Variants in UNC13A observed in about 807,000 individuals in gnomAD.
UNC13A encodes protein unc-13 homolog A.
UNC13A carries 61 observed loss-of-function variants against 219.7 expected under a neutral mutation model. That is an observed-to-expected ratio of 0.28 (90% CI 0.23 to 0.34). The LOEUF (loss-of-function observed/expected upper bound fraction) is 0.34, where lower values mean the gene tolerates loss of function less well. UNC13A is among the 10% of genes least tolerant of loss of function. The pLI is 1.00. For missense variants in UNC13A, 1,476 were observed against 2,270.3 expected (o/e 0.65, Z 7.11); for synonymous variants, 920 against 884.6 (o/e 1.04, Z -0.71).
chr19:17,658,284 C>A lies in UNC13A; in HGVS notation c.560-15G>T, dbSNP rs767557834. On this transcript the variant is annotated splice_polypyrimidine_tract_variant and intron_variant, in intron 8 of 43. Coordinates refer to ENST00000519716, the MANE Select transcript of UNC13A (RefSeq NM_001080421.3). Reference sequence around the variant, plus strand: ...GGGGTCATCGTCTGGAAGAGAGAGGCGGTATGGGAAGAGGGTGAGGAAGAG... The same window carrying A: ...GGGGTCATCGTCTGGAAGAGAGAGGAGGTATGGGAAGAGGGTGAGGAAGAG... 8 of 1,604,230 alleles carry A rather than the reference C, an allele frequency of 5.0e-6. No homozygotes were observed. The African/African-American group carries it at 9.4e-5, about 19-fold the overall frequency.
intron 38 of UNC13A, among the ~76,000 whole-genome samples, chr19:17,619,945 A>T (rs569966121): frequency 6.6e-6 from 1 of 152,226 alleles, no homozygotes; most frequent in East Asian, 1.9e-4. Flanking sequence ...GATGAGGAAA[A>T]TTATATCCAC....
Position 17,627,397 on chromosome 19 carries a change from C to T in UNC13A, c.3920+112G>A, listed in dbSNP as rs2076794509. On this transcript the variant is annotated intron_variant, in intron 33 of 43. Coordinates refer to ENST00000519716, the MANE Select transcript of UNC13A (RefSeq NM_001080421.3). The surrounding 1 kb of genome is among the most constrained non-coding windows in gnomAD (Gnocchi z 4.7). ...AAGATTTGAACTCAGCCTTGTCTAA[C>T]TCTGAGCCTGCAATCTTCACCTCTA... is the stretch of plus-strand genomic sequence containing the variant. 2 of 833,740 alleles carry T rather than the reference C, an allele frequency of 2.4e-6. No individual in the cohort carries two copies. Among genetic ancestry groups the T allele is most frequent in the South Asian group, 1.7e-5 (1 of 60,056 alleles). The allele number at this position is 833,740 out of a possible 1,614,324, so 51.6% of individuals were successfully genotyped here.
chr19:17,674,735 G>T lies in UNC13A; in HGVS notation c.74C>A (p.Thr25Asn), dbSNP rs770575876. ...GAQEKFNTYVTLKVQNVKSTT... is the reference protein window; with the variant it reads ...GAQEKFNTYVNLKVQNVKSTT... The stretch of plus-strand genomic sequence containing the variant: ...GCTCTTGACATTCTGCACTTTCAGG[G>T]TCACGTACGTGTTGAATTTCTCTGT... Residue 25 changes from threonine to asparagine, a missense_variant, in exon 3 of 44, where the codon ACC (threonine) becomes AAC (asparagine). Around this residue, in one of 14 missense-constraint regions of UNC13A, gnomAD observed 203 missense variants for 301.6 expected, o/e 0.67. Transcript: ENST00000519716. This position sits in a 1 kb window ranked among gnomAD's most constrained non-coding sequence, Gnocchi z 5.0. 3.1e-6 allele frequency: 5 copies of T among 1,613,816 alleles called. No individual in the cohort carries two copies. Among genetic ancestry groups the T allele is most frequent in the Non-Finnish European group, 4.2e-6 (5 of 1,179,882 alleles).
chr19:17,617,777 G>T lies in UNC13A; in HGVS notation c.4483C>A (p.Arg1495Ser), dbSNP rs761070420. ...TGCGTGTAGAGCGACAGGGCATAGC[G>T]CAAGGATTGCAGGTCCGGGCTCTTC... Reference protein sequence around the residue: ...LEKSPDLQSLRYALSLYTQAT... With the variant: ...LEKSPDLQSLSYALSLYTQAT... Residue 1495 changes from arginine (R) to serine (S), a missense_variant, in exon 41 of 44, where the codon CGC (arginine) becomes AGC (serine). By Grantham distance (110) the Arg-to-Ser change is moderately radical. Around this residue, in one of 14 missense-constraint regions of UNC13A, gnomAD observed 77 missense variants for 94.8 expected, o/e 0.81. Transcript: ENST00000519716. 1 of 1,613,432 alleles carries T rather than the reference G, an allele frequency of 6.2e-7. No individual in the cohort carries two copies. Among genetic ancestry groups the T allele is most frequent in the South Asian group, 1.1e-5 (1 of 91,074 alleles).
intron 1 of UNC13A, among the ~76,000 whole-genome samples, chr19:17,679,779 C>T (rs892153066): frequency 6.6e-6 from 1 of 152,056 alleles, no homozygotes; most frequent in African/African-American, 2.4e-5. Flanking sequence ...CTGTTCTCTC[C>T]TTCTCTCTCT....
At chr19:17,615,584 C>T (rs2076654145) in intron 41 of UNC13A, among the ~76,000 whole-genome samples, 1 of 152,030 alleles carries the variant, frequency 6.6e-6, no homozygotes, top group South Asian at 2.1e-4. Flanking sequence ...GAGGCTGAGG[C>T]ACAAGAATCG....
Position 17,627,178 on chromosome 19 carries a change from G to A in UNC13A, c.3920+331C>T, listed in dbSNP as rs1456928479. 2.0e-5 allele frequency among the ~76,000 whole-genome samples: 3 copies of A among 150,268 alleles called. No homozygotes were observed. The highest frequency in any genetic ancestry group is 4.9e-5 in the African/African-American group (2 of 40,822). On this transcript the variant is annotated intron_variant, in intron 33 of 43. Transcript: ENST00000519716. The surrounding 1 kb of genome is among the most constrained non-coding windows in gnomAD (Gnocchi z 4.7). The stretch of plus-strand genomic sequence containing the variant: ...AGACTTCGTCTCAAAAAAAAAAAAA[G>A]AGTGGAAAATAGTAACTGCAGAACC...
intron 29 of UNC13A, 68 bp downstream of exon 29, chr19:17,630,586 G>A: frequency 6.4e-7 from 1 of 1,552,398 alleles, no homozygotes; most frequent in Non-Finnish European, 8.9e-7. Flanking sequence ...TCATCTCAAG[G>A]GCAAATTTCC....
At chr19:17,684,353 C>T (rs1376832500) in intron 1 of UNC13A, among the ~76,000 whole-genome samples, 2 of 152,266 alleles carry the variant, frequency 1.3e-5, no homozygotes, top group South Asian at 2.1e-4. Flanking sequence ...TTAGCCCTCC[C>T]TCATCTCTTT....
intron 27 of UNC13A, 41 bp from the exon 28 acceptor site, chr19:17,632,949 GC>G (rs754364952): frequency 6.2e-7 from 1 of 1,613,090 alleles, no homozygotes; most frequent in Admixed American, 1.7e-5. Context: ...GGAAGGGTCT[GC>G]CACCCTCTGT....
At chr19:17,679,001 G>A (rs2079954906) in intron 1 of UNC13A, among the ~76,000 whole-genome samples, 1 of 152,144 alleles carries the variant, frequency 6.6e-6, no homozygotes, top group South Asian at 2.1e-4. Flanking sequence ...GCACATGCCT[G>A]TAATCCCAGC....
chr19:17,612,099 A>G, intron 41 of UNC13A: 2 of 387,748 alleles, frequency 5.2e-6, no homozygotes, highest in Non-Finnish European at 9.2e-6. Flanking sequence ...GCCTAATGCA[A>G]TTCTTTTCTT....
Position 17,630,304 on chromosome 19 carries a change from G to T in UNC13A, c.3526-16C>A. 6.4e-7 allele frequency: 1 copy of T among 1,559,496 alleles called. No individual in the cohort carries two copies. Among genetic ancestry groups the T allele is most frequent in the Non-Finnish European group, 8.7e-7 (1 of 1,151,542 alleles). Reference sequence around the variant, plus strand: ...TCTGCTGGAACTGCAGGGGGAAGGAGGCCAAGAGGAAGGAGGAGATCAGCA... The same window carrying T: ...TCTGCTGGAACTGCAGGGGGAAGGATGCCAAGAGGAAGGAGGAGATCAGCA... On this transcript the variant is annotated splice_polypyrimidine_tract_variant and intron_variant, in intron 29 of 43. Transcript: ENST00000519716.
intron 12 of UNC13A, among the ~76,000 whole-genome samples, chr19:17,650,143 G>A (rs1408180690): frequency 6.6e-6 from 1 of 152,096 alleles, no homozygotes; most frequent in East Asian, 1.9e-4. Flanking sequence ...CTCCTCATCT[G>A]AAAAATGGGG....
In UNC13A at chr19:17,640,497, T is replaced by A; in HGVS notation, c.2787+14A>T. The A allele has an allele frequency of 3.2e-6, 5 of 1,542,590 alleles. No homozygotes were observed. Among genetic ancestry groups the A allele is most frequent in the Non-Finnish European group, 4.4e-6 (5 of 1,143,990 alleles). On this transcript the variant is annotated intron_variant, in intron 22 of 43. Transcript: ENST00000519716. ...GCTCTCCCTAATTCTCCAATCCCAG[T>A]CCCCAGGACTGACCCCAAAGTTGGA...
intron 9 of UNC13A, among the ~76,000 whole-genome samples, chr19:17,657,598 A>G (rs1379730341): frequency 2.6e-5 from 4 of 152,008 alleles, no homozygotes; most frequent in African/African-American, 4.8e-5. Flanking sequence ...ACCTCCTCCA[A>G]TCTTAGCGCC....
intron 38 of UNC13A, among the ~76,000 whole-genome samples, chr19:17,619,713 G>A (rs1004343747): frequency 6.6e-5 from 10 of 152,078 alleles, no homozygotes; most frequent in African/African-American, 9.7e-5. Context: ...GATTACAGGC[G>A]TGAGCCACAT....
intron 41 of UNC13A, among the ~76,000 whole-genome samples, chr19:17,615,329 C>T (rs1388216510): frequency 2.0e-5 from 3 of 152,116 alleles, no homozygotes; most frequent in Non-Finnish European, 4.4e-5. Context: ...CTGCAGTGAC[C>T]TGAGATTTCG....
At chr19:17,614,844 G>A (rs921941004) in intron 41 of UNC13A, among the ~76,000 whole-genome samples, 3 of 152,110 alleles carry the variant, frequency 2.0e-5, no homozygotes, top group Non-Finnish European at 2.9e-5. Flanking sequence ...CCCCCAGGCC[G>A]ATGCTTCATA....
Sources: allele counts gnomAD v4.1 joint callset (sites outside exome capture counted in the v4.1 genomes callset), GRCh38; gene constraint gnomAD v4.1.1; regional missense constraint gnomAD v4.1.1; non-coding constraint Gnocchi (gnomAD v3.1); transcripts MANE v1.5; gene names NCBI Gene and HGNC (gene_info 2026-07-23, HGNC 2026-07-21).